The following MAGI2 variants were observed in gnomAD, a reference collection of about 807,000 sequenced individuals.
The protein encoded by MAGI2 is membrane associated guanylate kinase, WW and PDZ domain containing 2.
In MAGI2, 35 loss-of-function variants were observed where a neutral mutation model predicts 133.3. That is an observed-to-expected ratio of 0.26 (90% CI 0.20 to 0.35). The LOEUF is 0.35. Among genes scored for constraint, MAGI2 ranks in the 10% least tolerant of loss-of-function variants. The pLI, the probability that MAGI2 is intolerant of heterozygous loss-of-function variation, is 1.00. For synonymous variants in MAGI2, 729 were observed against 710.6 expected (o/e 1.03, Z -0.41); for missense variants, 1,636 against 1,863.4 (o/e 0.88, Z 2.25).
At chr7:78,990,535 C>T (rs1805658162) in intron 2 of MAGI2, among the ~76,000 whole-genome samples, 1 of 151,980 alleles carries the variant, frequency 6.6e-6, no homozygotes, top group South Asian at 2.1e-4. Context: ...CTATTCAACC[C>T]CACCTGGTTT....
chr7:79,256,486 C>CTTTTTTTTTT (rs11303181), intron 1 of MAGI2, among the ~76,000 whole-genome samples: 1 of 82,774 alleles, frequency 1.2e-5, no homozygotes, highest in Non-Finnish European at 2.3e-5. Context: ...CTCTCTCTCT[C>CTTTTTTTTTT]TTTTTTTTTT....
chr7:78,426,216 A>G (rs1482159044), intron 6 of MAGI2, among the ~76,000 whole-genome samples: 2 of 152,210 alleles, frequency 1.3e-5, no homozygotes, highest in African/African-American at 2.4e-5. Flanking sequence ...ATTAGGTTGA[A>G]GATAGAATAA....
At chr7:78,071,602 T>A (rs11505717) in intron 21 of MAGI2, among the ~76,000 whole-genome samples, 12 of 151,990 alleles carry the variant, frequency 7.9e-5, no homozygotes, top group Admixed American at 7.9e-4. Flanking sequence ...TTTACTGCAG[T>A]TTTTATGGTT....
At chr7:78,671,501 A>C (rs1430243154) in intron 2 of MAGI2, among the ~76,000 whole-genome samples, 5 of 152,110 alleles carry the variant, frequency 3.3e-5, no homozygotes. Flanking sequence ...TCAACTTCTC[A>C]TTTAAACAAA....
At chr7:78,652,839 G>C (rs553937273) in intron 2 of MAGI2, among the ~76,000 whole-genome samples, 10 of 152,046 alleles carry the variant, frequency 6.6e-5, no homozygotes, top group Admixed American at 3.9e-4. Flanking sequence ...TCATCAGAGT[G>C]AACAGGCAAC....
intron 1 of MAGI2, among the ~76,000 whole-genome samples, chr7:79,276,891 G>C (rs1471861603): frequency 6.6e-6 from 1 of 152,136 alleles, no homozygotes; most frequent in Non-Finnish European, 1.5e-5. Context: ...CTTGAGCCAA[G>C]AGGTGGAGGT....
rs578201501 is a variant in MAGI2, at chr7:79,225,491, T to C, written c.302-218285A>G. 3.3e-5 allele frequency among the ~76,000 whole-genome samples: 5 copies of C among 152,322 alleles called. No individual in the cohort carries two copies. The East Asian group carries it at 7.7e-4, about 24-fold the overall frequency. On this transcript the variant is annotated intron_variant, in intron 1 of 21. Coordinates refer to ENST00000354212, the MANE Select transcript of MAGI2 (RefSeq NM_012301.4). Reference sequence around the variant, plus strand: ...CACAGTCTAATTATAATACAATCTTTTAAAAGATTTACAAGCAAAATTATT... The same window carrying C: ...CACAGTCTAATTATAATACAATCTTCTAAAAGATTTACAAGCAAAATTATT...
At chr7:78,312,331 T>G (rs188192740) in intron 9 of MAGI2, among the ~76,000 whole-genome samples, 1 of 152,272 alleles carries the variant, frequency 6.6e-6, no homozygotes, top group Admixed American at 6.5e-5. Context: ...ACATCAAACC[T>G]AAACTTCTTA....
intron 6 of MAGI2, among the ~76,000 whole-genome samples, chr7:78,402,331 TGTATGTGTGTGTGTCCACCTGGGGC>T (rs11270595): frequency 0.5 from 74,436 of 149,108 alleles, 19,020 homozygotes; most frequent in East Asian, 0.75. Context: ...ACCTAGGGTG[TGTATGTGTGTGTGTCCACCTGGGGC>T]GTATGTGTGT....
At chr7:78,889,230 G>C (rs1796531780) in intron 2 of MAGI2, among the ~76,000 whole-genome samples, 1 of 152,198 alleles carries the variant, frequency 6.6e-6, no homozygotes, top group Non-Finnish European at 1.5e-5. Context: ...GGGACTATGT[G>C]AGAAGACCAA....
chr7:78,936,492 T>A (rs548113407), intron 2 of MAGI2, among the ~76,000 whole-genome samples: 1 of 151,996 alleles, frequency 6.6e-6, no homozygotes, highest in South Asian at 2.1e-4. Flanking sequence ...ATAATATATA[T>A]GTACTTTTGG....
chr7:78,713,755 A>T (rs1387728005), intron 2 of MAGI2, among the ~76,000 whole-genome samples: 1 of 152,180 alleles, frequency 6.6e-6, no homozygotes, highest in Non-Finnish European at 1.5e-5. Flanking sequence ...ATGTTGATTC[A>T]GTATATAGTT....
intron 2 of MAGI2, among the ~76,000 whole-genome samples, chr7:78,992,649 A>G (rs891138850): frequency 6.6e-6 from 1 of 152,052 alleles, no homozygotes; most frequent in Non-Finnish European, 1.5e-5. Flanking sequence ...ATGTTAGGTC[A>G]ACATATAGGC....
intron 1 of MAGI2, among the ~76,000 whole-genome samples, chr7:79,094,595 T>C (rs1246224617): frequency 2.0e-5 from 3 of 152,344 alleles, no homozygotes; most frequent in Middle Eastern, 3.4e-3. Context: ...ATGGAAGCTA[T>C]AGCCTTATGA....
chr7:78,734,122 A>G (rs548101397), intron 2 of MAGI2, among the ~76,000 whole-genome samples: 1 of 152,326 alleles, frequency 6.6e-6, no homozygotes, highest in Admixed American at 6.5e-5. Flanking sequence ...CAAAGCAATC[A>G]GATGCAATAA....
intron 1 of MAGI2, among the ~76,000 whole-genome samples, chr7:79,240,148 A>C (rs1298300784): frequency 6.6e-6 from 1 of 152,064 alleles, no homozygotes; most frequent in East Asian, 1.9e-4. Flanking sequence ...ATTCCTCTGT[A>C]CTAACAGGAG....
At chr7:78,407,453 G>C (rs1797485888) in intron 6 of MAGI2, among the ~76,000 whole-genome samples, 1 of 151,920 alleles carries the variant, frequency 6.6e-6, no homozygotes, top group African/African-American at 2.4e-5. Context: ...TGAATAAAAA[G>C]TTTTTGAAGC....
At chr7:78,096,798 T>G (rs1404242122) in intron 20 of MAGI2, among the ~76,000 whole-genome samples, 5 of 152,054 alleles carry the variant, frequency 3.3e-5, no homozygotes, top group Non-Finnish European at 7.4e-5. Flanking sequence ...AGAAAAAGTT[T>G]GCCCAAAGGC....
At chr7:78,991,135 C>T (rs908322456) in intron 2 of MAGI2, among the ~76,000 whole-genome samples, 2 of 151,876 alleles carry the variant, frequency 1.3e-5, no homozygotes, top group East Asian at 3.9e-4. Context: ...TGCTTGCTCT[C>T]TCTCTCTCCT....
Sources: allele counts gnomAD v4.1 joint callset (sites outside exome capture counted in the v4.1 genomes callset), GRCh38; gene constraint gnomAD v4.1.1; transcripts MANE v1.5; gene names NCBI Gene and HGNC (gene_info 2026-07-23, HGNC 2026-07-21).